Variants in ARSJ observed in about 807,000 individuals in gnomAD.
ARSJ encodes the protein arylsulfatase J.
A neutral mutation model predicts 35.9 loss-of-function variants in ARSJ; 26 were observed. The observed-to-expected ratio is 0.72, with a 90% CI of 0.53 to 1.00. The LOEUF is 1.00. Ranked by LOEUF, ARSJ falls within the 50% of genes least tolerant of loss-of-function variation. The probability of loss-of-function intolerance (pLI) is 0.00; values close to 1 mark genes in which losing one functional copy is unlikely to be tolerated. For synonymous variants in ARSJ, 294 were observed against 267.6 expected, an observed-to-expected ratio of 1.10 and a Z score of -0.96; for missense variants, 667 against 723.6, an observed-to-expected ratio of 0.92 and a Z score of 0.90.
chr4:113,913,341 G>A (rs1042031101), intron 1 of ARSJ, among the ~76,000 whole-genome samples: 1 of 151,932 alleles, frequency 6.6e-6, no homozygotes, highest in Non-Finnish European at 1.5e-5. Context: ...CAAATAACAC[G>A]CTAAGTGATT....
Position 113,901,946 on chromosome 4 carries a change from G to T in ARSJ, c.*328C>A. On this transcript the variant is annotated 3_prime_UTR_variant, in exon 2 of 2. Coordinates refer to ENST00000315366, the MANE Select transcript of ARSJ (RefSeq NM_024590.4). Reference sequence around the variant, plus strand: ...GCATGCTTGCGGATGGTAGGTTATTGTTCTCCTCCTATAATTCAAAGCAGT... The same window carrying T: ...GCATGCTTGCGGATGGTAGGTTATTTTTCTCCTCCTATAATTCAAAGCAGT... The T allele has an allele frequency of 2.4e-6, 1 of 422,408 alleles. No individual in the cohort carries two copies. 26.2% of individuals were successfully genotyped at this position (422,408 alleles called of 1,614,324 possible).
chr4:113,949,255 C>T (rs115903737), intron 1 of ARSJ, among the ~76,000 whole-genome samples: 1,571 of 152,070 alleles, frequency 0.01, 30 homozygotes, highest in African/African-American at 0.037. Context: ...TTGATGGGTG[C>T]AGCAAAACAC....
At chr4:113,908,382 C>G (rs1406804052) in intron 1 of ARSJ, among the ~76,000 whole-genome samples, 1 of 152,098 alleles carries the variant, frequency 6.6e-6, no homozygotes, top group Non-Finnish European at 1.5e-5. Flanking sequence ...GCTGCACTTG[C>G]AATTTTTCTA....
At chr4:113,964,413 T>A (rs970183435) in intron 1 of ARSJ, among the ~76,000 whole-genome samples, 8 of 152,150 alleles carry the variant, frequency 5.3e-5, no homozygotes, top group Non-Finnish European at 8.8e-5. Context: ...TATTCAGTTA[T>A]CAGTTGCTTT....
intron 1 of ARSJ, among the ~76,000 whole-genome samples, chr4:113,978,113 G>A (rs1179124932): frequency 1.3e-5 from 2 of 152,184 alleles, no homozygotes; most frequent in African/African-American, 2.4e-5. Context: ...ATCTGAGCAT[G>A]CTCAAAAGTA....
chr4:113,952,451 T>C (rs1167810655), intron 1 of ARSJ, among the ~76,000 whole-genome samples: 1 of 152,082 alleles, frequency 6.6e-6, no homozygotes, highest in African/African-American at 2.4e-5. Context: ...TTTTTATGAG[T>C]CTTCAATGAA....
In ARSJ at chr4:113,902,307, A is replaced by C. The variant is rs1191911801; in HGVS notation, c.1767T>G (p.Gly589=). ...AAGTAACACCTGAATGGCAAGTTGA[A>C]CCTGAGACTGCTTTCTGCTGTTTCT... ...KKKKQQKAVS[G]STCHSGVTCG The change falls in exon 2 of 2, where the codon GGT becomes GGG. Residue 589 remains glycine, a synonymous_variant. Coordinates refer to ENST00000315366, the MANE Select transcript of ARSJ (RefSeq NM_024590.4). The C allele has an allele frequency of 3.1e-6, 5 of 1,612,370 alleles. No homozygotes were observed. Among genetic ancestry groups the C allele is most frequent in the East Asian group, 2.2e-5 (1 of 44,882 alleles).
rs557245490 is a variant in ARSJ at position 113,915,278 on chromosome 4, T to C, written c.399-11603A>G. On this transcript the variant is annotated intron_variant, in intron 1 of 1. Transcript: ENST00000315366. Reference sequence around the variant, plus strand: ...TCTGTCTCTAATACAGATATTGAGCTATTTTGAATAGTTTATTTAGGATTT... The same window carrying C: ...TCTGTCTCTAATACAGATATTGAGCCATTTTGAATAGTTTATTTAGGATTT... 1.4e-3 allele frequency among the ~76,000 whole-genome samples: 218 copies of C among 152,294 alleles called. 4 individuals carry two copies. The highest frequency in any genetic ancestry group is 4.6e-4 in the Admixed American group (7 of 15,280).
intron 1 of ARSJ, chr4:113,906,850 T>C (rs768407360): frequency 5.1e-6 from 2 of 392,114 alleles, no homozygotes; most frequent in Non-Finnish European, 5.0e-6. Context: ...TTAACAATTA[T>C]CCCAGAATGC....
intron 1 of ARSJ, among the ~76,000 whole-genome samples, chr4:113,920,227 G>A (rs1454199349): frequency 6.6e-6 from 1 of 152,116 alleles, no homozygotes; most frequent in Non-Finnish European, 1.5e-5. Context: ...TTTCCACAGA[G>A]TATTCATGTT....
chr4:113,926,238 C>T (rs1319172814), intron 1 of ARSJ, among the ~76,000 whole-genome samples: 5 of 151,746 alleles, frequency 3.3e-5, no homozygotes, highest in Non-Finnish European at 7.4e-5. Flanking sequence ...AATCGTGCTT[C>T]TTCGAAGTCC....
intron 1 of ARSJ, among the ~76,000 whole-genome samples, chr4:113,961,505 T>C (rs1726535567): frequency 6.6e-6 from 1 of 152,076 alleles, no homozygotes; most frequent in Non-Finnish European, 1.5e-5. Context: ...TTTCTCAATG[T>C]CTGCACAGCT....
At chr4:113,924,028 T>C (rs1594418580) in intron 1 of ARSJ, among the ~76,000 whole-genome samples, 2 of 3,736 alleles carry the variant, frequency 5.4e-4, no homozygotes, top group African/African-American at 6.1e-4. Flanking sequence ...TCTACATATA[T>C]ATATATAAAT....
At chr4:113,943,630 G>A (rs1462079453) in intron 1 of ARSJ, 7 of 152,036 alleles carry the variant, frequency 4.6e-5, no homozygotes, top group African/African-American at 1.7e-4. Flanking sequence ...AGCAAAATAA[G>A]CTAATCAAGA....
At chr4:113,931,463 A>G (rs556105688) in intron 1 of ARSJ, among the ~76,000 whole-genome samples, 1 of 152,228 alleles carries the variant, frequency 6.6e-6, no homozygotes, top group East Asian at 1.9e-4. Flanking sequence ...CCACCTGCTT[A>G]CAATAGAGTA....
intron 1 of ARSJ, among the ~76,000 whole-genome samples, chr4:113,921,227 A>G (rs963817898): frequency 1.3e-5 from 2 of 152,170 alleles, no homozygotes; most frequent in Non-Finnish European, 2.9e-5. Context: ...TTGAGAGAAA[A>G]GAATCTTGCT....
chr4:113,961,854 GA>G (rs527260942), intron 1 of ARSJ, among the ~76,000 whole-genome samples: 83 of 151,878 alleles, frequency 5.5e-4, no homozygotes, highest in African/African-American at 2.0e-3. Flanking sequence ...AAGAGAAAGG[GA>G]AAAACATGTA....
At chr4:113,930,159 A>T (rs1724340755) in intron 1 of ARSJ, among the ~76,000 whole-genome samples, 1 of 152,088 alleles carries the variant, frequency 6.6e-6, no homozygotes, top group Non-Finnish European at 1.5e-5. Flanking sequence ...GAGGGACAGA[A>T]CTAATAGAAA....
chr4:113,949,317 C>A (rs1176939050), intron 1 of ARSJ, among the ~76,000 whole-genome samples: 1 of 151,974 alleles, frequency 6.6e-6, no homozygotes, highest in Non-Finnish European at 1.5e-5. Flanking sequence ...GCACATGTAT[C>A]CCAGAACTTA....
Sources: allele counts gnomAD v4.1 joint callset (sites outside exome capture counted in the v4.1 genomes callset), GRCh38; gene constraint gnomAD v4.1.1; transcripts MANE v1.5; gene names NCBI Gene and HGNC (gene_info 2026-07-23, HGNC 2026-07-21).